NEGR1: variants seen among roughly 807,000 people sequenced by gnomAD.
The protein encoded by NEGR1 is neuronal growth regulator 1.
A neutral mutation model predicts 40.9 loss-of-function variants in NEGR1; 10 were observed. The observed-to-expected ratio is 0.24, with a 90% confidence interval of 0.15 to 0.42. The LOEUF (loss-of-function observed/expected upper bound fraction) is 0.42, where lower values mean the gene tolerates loss of function less well. Among genes scored for constraint, NEGR1 ranks in the 10% least tolerant of loss-of-function variants. The pLI is 1.00. For synonymous variants in NEGR1, 185 were observed against 166.8 expected (o/e 1.11, Z -0.84); for missense variants, 352 against 438.9 (o/e 0.80, Z 1.77).
At chr1:71,556,684 AACTC>A (rs1648264205) in intron 6 of NEGR1, among the ~76,000 whole-genome samples, 1 of 151,092 alleles carries the variant, frequency 6.6e-6, no homozygotes, top group African/African-American at 2.4e-5. Context: ...GAGACACAAA[AACTC>A]ACTCACACTG....
Position 72,119,347 on chromosome 1 carries a change from C to T in NEGR1, c.176+162972G>A, listed in dbSNP as rs1649708805. Among the ~76,000 whole-genome samples the T allele has an allele frequency of 2.6e-5, 4 of 151,904 alleles. No individual in the cohort carries two copies. In the South Asian group the frequency reaches 8.3e-4, roughly 31 times the overall value. Reference sequence around the variant, plus strand: ...GTGATGCTTCCACTAGAACACACTGCTTTTTCTTTTGTTTCTAATTGAGTA... The same window carrying T: ...GTGATGCTTCCACTAGAACACACTGTTTTTTCTTTTGTTTCTAATTGAGTA... On this transcript the variant is annotated intron_variant, in intron 1 of 6. Coordinates refer to ENST00000357731, the MANE Select transcript of NEGR1 (RefSeq NM_173808.3).
At chr1:71,469,310 T>A (rs776460912) in intron 6 of NEGR1, among the ~76,000 whole-genome samples, 10 of 152,072 alleles carry the variant, frequency 6.6e-5, no homozygotes, top group South Asian at 2.1e-4. Context: ...GGTTGTTGCA[T>A]AGGGATAAAA....
intron 2 of NEGR1, among the ~76,000 whole-genome samples, chr1:71,842,760 C>T (rs1327656223): frequency 2.0e-5 from 3 of 152,136 alleles, no homozygotes; most frequent in East Asian, 1.9e-4. Context: ...CATTTGATTT[C>T]TAAGATGTGC....
intron 1 of NEGR1, among the ~76,000 whole-genome samples, chr1:71,971,359 A>T (rs1646255218): frequency 6.6e-6 from 1 of 152,158 alleles, no homozygotes; most frequent in African/African-American, 2.4e-5. Flanking sequence ...AAGGAAATGA[A>T]TTCATTCATG....
chr1:71,608,737 G>A (rs1650147890), intron 5 of NEGR1, among the ~76,000 whole-genome samples: 1 of 152,136 alleles, frequency 6.6e-6, no homozygotes, highest in Non-Finnish European at 1.5e-5. Flanking sequence ...GGGATTTGGG[G>A]AACTCCTGCA....
chr1:71,425,638 A>T (rs1346392495), intron 6 of NEGR1, among the ~76,000 whole-genome samples: 1 of 152,038 alleles, frequency 6.6e-6, no homozygotes, highest in Non-Finnish European at 1.5e-5. Flanking sequence ...ACCTGTGTGC[A>T]CCCCTCCACA....
At chr1:71,894,337 C>G (rs569422976) in intron 2 of NEGR1, among the ~76,000 whole-genome samples, 11 of 151,948 alleles carry the variant, frequency 7.2e-5, no homozygotes, top group Middle Eastern at 3.5e-3. Flanking sequence ...TGTAGTAGTT[C>G]AAGAATCAGG....
At chr1:71,728,563 CA>C (rs1252526880) in intron 3 of NEGR1, among the ~76,000 whole-genome samples, 1 of 152,062 alleles carries the variant, frequency 6.6e-6, no homozygotes, top group African/African-American at 2.4e-5. Context: ...GACACTCTTT[CA>C]AAAAATCTTT....
chr1:72,060,146 C>A (rs1261552679), intron 1 of NEGR1, among the ~76,000 whole-genome samples: 1 of 151,648 alleles, frequency 6.6e-6, no homozygotes, highest in Non-Finnish European at 1.5e-5. Flanking sequence ...AATTTACACC[C>A]ATGTCAATAG....
chr1:71,611,620 C>G (rs1463123467), intron 4 of NEGR1, among the ~76,000 whole-genome samples: 1 of 152,176 alleles, frequency 6.6e-6, no homozygotes, highest in African/African-American at 2.4e-5. Flanking sequence ...AATGAATTGT[C>G]AAGGTCACAC....
At chr1:72,243,482 T>C (rs1654812572) in intron 1 of NEGR1, among the ~76,000 whole-genome samples, 1 of 151,680 alleles carries the variant, frequency 6.6e-6, no homozygotes, top group Non-Finnish European at 1.5e-5. Flanking sequence ...ACCCCTTGAA[T>C]CTAAAATAAA....
At chr1:71,970,270 G>GGAA (rs749304408) in intron 1 of NEGR1, among the ~76,000 whole-genome samples, 7 of 152,146 alleles carry the variant, frequency 4.6e-5, no homozygotes, top group Non-Finnish European at 1.0e-4. Flanking sequence ...GGAGACGCAA[G>GGAA]GAAGGGCCAG....
At chr1:71,423,320 A>C (rs1366898176) in intron 6 of NEGR1, among the ~76,000 whole-genome samples, 1 of 152,188 alleles carries the variant, frequency 6.6e-6, no homozygotes, top group Non-Finnish European at 1.5e-5. Flanking sequence ...GCTTGAGCCC[A>C]GGAGGTCAAG....
chr1:72,256,117 T>C (rs1655264056), intron 1 of NEGR1, among the ~76,000 whole-genome samples: 1 of 152,212 alleles, frequency 6.6e-6, no homozygotes, highest in African/African-American at 2.4e-5. Context: ...TCTGTTTCCT[T>C]TACACCTACA....
rs757450838 is a variant in NEGR1, at chr1:71,698,023, T to C, written c.652A>G (p.Lys218Glu). The C allele has an allele frequency of 8.1e-6, 13 of 1,611,188 alleles. No homozygotes were observed. The highest frequency in any genetic ancestry group is 1.6e-4 in the Middle Eastern group (1 of 6,064). ...DVSFPDVRKV[K>E]VVVNFAPTIQ... ...TGACACTTACAGTTGACAACAACTT[T>C]TACTTTCCTCACATCTGGGAATGAC... The change falls in exon 4 of 7, where the codon AAA becomes GAA. Residue 218 changes from lysine to glutamate, a missense_variant. Coordinates refer to ENST00000357731, the MANE Select transcript of NEGR1 (RefSeq NM_173808.3).
chr1:71,624,292 C>CT (rs1650699089), intron 4 of NEGR1, among the ~76,000 whole-genome samples: 1 of 151,908 alleles, frequency 6.6e-6, no homozygotes, highest in African/African-American at 2.4e-5. Flanking sequence ...CATATTGGTG[C>CT]TAGCTAACAT....
rs114576248 is a variant in NEGR1, at chr1:71,602,003, G to A, written c.788+9023C>T. Among the ~76,000 whole-genome samples the A allele has an allele frequency of 7.8e-3, 1,184 of 151,914 alleles. 27 individuals are homozygous for A. The highest frequency in any genetic ancestry group is 0.027 in the African/African-American group (1,137 of 41,450). ...TTAAACTACTGCTACACACAAAAAA[G>A]GGACTAGATTGTTTTAGTACTCTTG... On this transcript the variant is annotated intron_variant, in intron 5 of 6. Transcript: ENST00000357731.
At chr1:71,826,860 A>G (rs1197625435) in intron 2 of NEGR1, among the ~76,000 whole-genome samples, 1 of 151,966 alleles carries the variant, frequency 6.6e-6, no homozygotes, top group Non-Finnish European at 1.5e-5. Context: ...TGCATTTGTA[A>G]GACCAGGGGA....
rs377443572 is a variant in NEGR1, at chr1:72,257,880, A to G, written c.176+24439T>C. Among the ~76,000 whole-genome samples the G allele has an allele frequency of 1.1e-4, 17 of 152,228 alleles. No individual in the cohort carries two copies. The East Asian group carries it at 2.3e-3, about 21-fold the overall frequency. On this transcript the variant is annotated intron_variant, in intron 1 of 6. Coordinates refer to ENST00000357731, the MANE Select transcript of NEGR1 (RefSeq NM_173808.3). ...TACTTAAGAATCTCTTCCCCCAGATAAATCTCTGAACATTCTGTGAAAAAT... is the reference window on the plus strand; with the variant it reads ...TACTTAAGAATCTCTTCCCCCAGATGAATCTCTGAACATTCTGTGAAAAAT...
Sources: gnomAD v4.1 joint callset for allele counts (sites outside exome capture counted in the v4.1 genomes callset) on GRCh38, gnomAD v4.1.1 for gene constraint, MANE v1.5 for transcripts, NCBI Gene and HGNC (gene_info 2026-07-23, HGNC 2026-07-21) for gene names.